The following PPP4C variants were observed in gnomAD, a reference collection of about 807,000 sequenced individuals.
The protein encoded by PPP4C is serine/threonine-protein phosphatase 4 catalytic subunit.
PPP4C carries 10 observed loss-of-function variants against 40.5 expected under a neutral mutation model. The observed-to-expected ratio is 0.25, with a 90% CI of 0.15 to 0.42. The LOEUF is 0.42. PPP4C is among the 10% of genes least tolerant of loss of function. PPP4C has a pLI of 1.00. For missense variants in PPP4C, 191 were observed against 416.4 expected (o/e 0.46, Z 4.71); for synonymous variants, 187 against 163.6 (o/e 1.14, Z -1.09).
chr16:30,077,105 G>C (rs2072417025), intron 2 of PPP4C, among the ~76,000 whole-genome samples: 1 of 152,182 alleles, frequency 6.6e-6, no homozygotes, highest in Non-Finnish European at 1.5e-5. Flanking sequence ...AAGCACGATA[G>C]GGAGGCCAGT....
In PPP4C at chr16:30,076,302, T is replaced by A; in HGVS notation, c.-63-13T>A. The stretch of plus-strand genomic sequence containing the variant: ...CGGACACTGATCCGCGGGCTCGTCT[T>A]GGCCTTTCCCAGGAGACCCCTGTGC... On this transcript the variant is annotated splice_polypyrimidine_tract_variant and intron_variant, in intron 1 of 8. Transcript: ENST00000279387. 1.4e-6 allele frequency: 2 copies of A among 1,476,560 alleles called. No homozygotes were observed. The highest frequency in any genetic ancestry group is 1.9e-6 in the Non-Finnish European group (2 of 1,071,382). The allele number at this position is 1,476,560 out of a possible 1,614,324, so 91.5% of individuals were successfully genotyped here. A position where few individuals can be genotyped will look rare whatever the true frequency, so the allele number is the denominator to read the frequency against.
Position 30,083,531 on chromosome 16 carries a change from T to C in PPP4C, c.441T>C (p.Phe147=), listed in dbSNP as rs1213701197. 5.0e-6 allele frequency: 8 copies of C among 1,614,148 alleles called. No individual in the cohort carries two copies. The highest frequency in any genetic ancestry group is 2.2e-5 in the East Asian group (1 of 44,878). The part of the protein sequence containing the change: ...VTVWRYCTEI[F]DYLSLSAIID... ...TGTGGCGCTACTGCACTGAGATCTT[T>C]GACTACCTCAGCCTGTCAGCCATCA... is the stretch of plus-strand genomic sequence containing the variant. The change falls in exon 6 of 9, where the codon TTT becomes TTC. Residue 147 remains phenylalanine, a synonymous_variant. Transcript: ENST00000279387. This position sits in a 1 kb window ranked among gnomAD's most constrained non-coding sequence, Gnocchi z 6.3.
chr16:30,080,727 A>G (rs9932605), intron 2 of PPP4C, among the ~76,000 whole-genome samples: 78,841 of 151,864 alleles, frequency 0.52, 21,293 homozygotes, highest in African/African-American at 0.67. Flanking sequence ...GGCTGGTCTC[A>G]AACTCCTGAC....
intron 2 of PPP4C, among the ~76,000 whole-genome samples, chr16:30,077,443 A>C (rs1250226360): frequency 6.6e-6 from 1 of 152,168 alleles, no homozygotes. Flanking sequence ...TAGGCCTTGA[A>C]GGATGAAGAT....
chr16:30,085,286 TTTTC>T lies in PPP4C; in HGVS notation c.*228_*231del, dbSNP rs2072601500. 4.9e-6 allele frequency: 2 copies of T among 409,032 alleles called. No individual in the cohort carries two copies. Among genetic ancestry groups the T allele is most frequent in the African/African-American group, 2.0e-5 (1 of 48,834 alleles). The allele number at this position is 409,032 out of a possible 1,614,324, so 25.3% of individuals were successfully genotyped here. On this transcript the variant is annotated 3_prime_UTR_variant, in exon 9 of 9. Coordinates refer to ENST00000279387, the MANE Select transcript of PPP4C (RefSeq NM_002720.3). ...AACCATGAAGTTTCCAATAATTTTT[TTTTC>T]TTTTTTTCCTTCTTTTTTCTGTTTG... is the stretch of plus-strand genomic sequence containing the variant.
rs2072402777 is a variant in PPP4C at position 30,076,558 on chromosome 16, G to A, written c.98+83G>A. On this transcript the variant is annotated intron_variant, in intron 2 of 8. Coordinates refer to ENST00000279387, the MANE Select transcript of PPP4C (RefSeq NM_002720.3). ...GGGGCAAACCCAACTGAGAACTTTGGGCTTGCCTCGTTCTGGAAGCTTTCC... is the reference window on the plus strand; with the variant it reads ...GGGGCAAACCCAACTGAGAACTTTGAGCTTGCCTCGTTCTGGAAGCTTTCC... 2.9e-6 allele frequency: 4 copies of A among 1,384,212 alleles called. No homozygotes were observed. In the Admixed American group the frequency reaches 6.1e-5, roughly 21 times the overall value. 85.7% of individuals were successfully genotyped at this position (1,384,212 alleles called of 1,614,324 possible).
Position 30,081,326 on chromosome 16 carries a change from C to G in PPP4C, c.150+16C>G, listed in dbSNP as rs200077852. The G allele has an allele frequency of 9.4e-6, 15 of 1,601,806 alleles. 1 individual carries two copies. In the South Asian group the frequency reaches 1.4e-4, roughly 15 times the overall value. On this transcript the variant is annotated intron_variant, in intron 3 of 8. Transcript: ENST00000279387. ...GCCAGTCACAGTGAGTACCTGCTGT[C>G]CCTGCAGAGCCAGGCCTGGTCTTTC... is the stretch of plus-strand genomic sequence containing the variant.
Position 30,076,006 on chromosome 16 carries a change from AGCGGCGGCGGCGGCG to A in PPP4C, c.-141_-127del, listed in dbSNP as rs536280015. 2 of 351,722 alleles carry A rather than the reference AGCGGCGGCGGCGGCG, an allele frequency of 5.7e-6. No homozygotes were observed. Among genetic ancestry groups the A allele is most frequent in the Non-Finnish European group, 1.0e-5 (2 of 191,134 alleles). 21.8% of individuals were successfully genotyped at this position (351,722 alleles called of 1,614,324 possible). A position where few individuals can be genotyped will look rare whatever the true frequency, so the allele number is the denominator to read the frequency against. On this transcript the variant is annotated 5_prime_UTR_variant, in exon 1 of 9. Coordinates refer to ENST00000279387, the MANE Select transcript of PPP4C (RefSeq NM_002720.3). Reference sequence around the variant, plus strand: ...CTTCCGCGGCGGGGCCGGAAGTAGGAGCGGCGGCGGCGGCGGCGGCGGCGGTCGAAAGCGGAGTGA... The same window carrying A: ...CTTCCGCGGCGGGGCCGGAAGTAGGAGCGGCGGCGGTCGAAAGCGGAGTGA...
Position 30,076,039 on chromosome 16 carries a change from C to T in PPP4C, c.-119C>T, listed in dbSNP as rs1448415579. On this transcript the variant is annotated 5_prime_UTR_variant, in exon 1 of 9. Transcript: ENST00000279387. Reference sequence around the variant, plus strand: ...CGGCGGCGGCGGCGGCGGTCGAAAGCGGAGTGAAAGAGGGAGGCAGGGAGC... The same window carrying T: ...CGGCGGCGGCGGCGGCGGTCGAAAGTGGAGTGAAAGAGGGAGGCAGGGAGC... 2 of 406,906 alleles carry T rather than the reference C, an allele frequency of 4.9e-6. No individual in the cohort carries two copies. Among genetic ancestry groups the T allele is most frequent in the South Asian group, 2.7e-5 (1 of 36,786 alleles). 25.2% of individuals were successfully genotyped at this position (406,906 alleles called of 1,614,324 possible). A position where few individuals can be genotyped will look rare whatever the true frequency, so the allele number is the denominator to read the frequency against.
chr16:30,085,148 G>T lies in PPP4C; in HGVS notation c.*86G>T, dbSNP rs907780488. ...TCTTCCTCAGACGGAGGCTGGGCGT[G>T]GGGGGGGCTGTCCTGGCTCTGCTGT... On this transcript the variant is annotated 3_prime_UTR_variant, in exon 9 of 9. Transcript: ENST00000279387. 59 of 1,398,306 alleles carry T rather than the reference G, an allele frequency of 4.2e-5. No individual in the cohort carries two copies. Among genetic ancestry groups the T allele is most frequent in the Admixed American group, 1.1e-4 (5 of 46,870 alleles). 86.6% of individuals were successfully genotyped at this position (1,398,306 alleles called of 1,614,324 possible). A position where few individuals can be genotyped will look rare whatever the true frequency, so the allele number is the denominator to read the frequency against.
intron 3 of PPP4C, chr16:30,081,581 A>G (rs2072506802): frequency 6.7e-6 from 2 of 296,820 alleles, no homozygotes; most frequent in East Asian, 1.3e-4. Flanking sequence ...CGTTTCTACT[A>G]AAAATACAAA....
Position 30,083,735 on chromosome 16 carries a change from G to A in PPP4C, c.558G>A (p.Val186=), listed in dbSNP as rs778470413. 1 of 1,614,210 alleles carries A rather than the reference G, an allele frequency of 6.2e-7. No homozygotes were observed. Among genetic ancestry groups the A allele is most frequent in the Non-Finnish European group, 8.5e-7 (1 of 1,180,036 alleles). Residue 186 remains valine, a synonymous_variant, in exon 7 of 9, where the codon GTG becomes GTA. Transcript: ENST00000279387. The surrounding 1 kb of genome is among the most constrained non-coding windows in gnomAD (Gnocchi z 6.3). ...GGACAATCGACCGAAAGCAAGAGGT[G>A]CCTCATGATGGGCCCATGTGTGACC... ...QIRTIDRKQE[V]PHDGPMCDLL... is the part of the protein sequence containing the mutation.
At position 30,083,238 on chromosome 16, in the gene PPP4C, G is replaced by C; in HGVS notation, c.304-156G>C. On this transcript the variant is annotated intron_variant, in intron 5 of 8. Transcript: ENST00000279387. The surrounding 1 kb of genome is among the most constrained non-coding windows in gnomAD (Gnocchi z 6.3). Reference sequence around the variant, plus strand: ...TTCTCTGGAGGGGTCGTGTGGGCCTGGGAGGTGGCTGATGCCACACGATTC... The same window carrying C: ...TTCTCTGGAGGGGTCGTGTGGGCCTCGGAGGTGGCTGATGCCACACGATTC... The C allele has an allele frequency of 1.2e-6, 1 of 821,410 alleles. No homozygotes were observed. The highest frequency in any genetic ancestry group is 1.6e-5 in the South Asian group (1 of 61,378). 50.9% of individuals were successfully genotyped at this position (821,410 alleles called of 1,614,324 possible).
intron 2 of PPP4C, among the ~76,000 whole-genome samples, chr16:30,079,619 TGATGTGGCCTCTTG>T (rs953688536): frequency 6.6e-6 from 1 of 152,198 alleles, no homozygotes; most frequent in Non-Finnish European, 1.5e-5. Context: ...GTCCGGGTAC[TGATGTGGCCTCTTG>T]GACCACCGCC....
intron 3 of PPP4C, chr16:30,081,532 G>A: frequency 2.3e-6 from 1 of 428,284 alleles, no homozygotes. Context: ...ATCACTTGAG[G>A]TTAGGAGTTC....
chr16:30,079,235 C>G (rs2072459678), intron 2 of PPP4C, among the ~76,000 whole-genome samples: 1 of 150,074 alleles, frequency 6.7e-6, no homozygotes, highest in African/African-American at 2.5e-5. Flanking sequence ...GTTGCCCAGG[C>G]TGGAGTGCCA....
At chr16:30,079,445 C>G (rs994807911) in intron 2 of PPP4C, among the ~76,000 whole-genome samples, 6 of 152,168 alleles carry the variant, frequency 3.9e-5, no homozygotes, top group African/African-American at 2.4e-5. Flanking sequence ...GCCTTGGCTT[C>G]CCAAAGTGCT....
chr16:30,078,948 TG>T (rs143564999), intron 2 of PPP4C, among the ~76,000 whole-genome samples: 427 of 152,222 alleles, frequency 2.8e-3, no homozygotes, highest in African/African-American at 9.2e-3. Context: ...GTGGCAGAAC[TG>T]GGGCTGGAAT....
chr16:30,084,254 G>A lies in PPP4C; in HGVS notation c.605-412G>A, dbSNP rs1250241992. On this transcript the variant is annotated intron_variant, in intron 7 of 8. Coordinates refer to ENST00000279387, the MANE Select transcript of PPP4C (RefSeq NM_002720.3). The stretch of plus-strand genomic sequence containing the variant: ...CCATCACAGCCACACACACGCACAC[G>A]AGGCCTCTGCTCCATCACAGCCACA... Among the ~76,000 whole-genome samples, 8 of 148,946 alleles carry A rather than the reference G, an allele frequency of 5.4e-5. No individual in the cohort carries two copies. The Admixed American group carries it at 5.5e-4, about 10-fold the overall frequency.
Sources: gnomAD v4.1 joint callset for allele counts (sites outside exome capture counted in the v4.1 genomes callset) on GRCh38, gnomAD v4.1.1 for gene constraint, Gnocchi (gnomAD v3.1) non-coding constraint, MANE v1.5 for transcripts, NCBI Gene and HGNC (gene_info 2026-07-23, HGNC 2026-07-21) for gene names.